The following SH2B1 variants were observed in gnomAD, a reference collection of about 807,000 sequenced individuals.
The protein encoded by SH2B1 is SH2B adaptor protein 1.
A neutral mutation model predicts 62.6 loss-of-function variants in SH2B1; 15 were observed. That is an observed-to-expected ratio of 0.24 (90% CI 0.16 to 0.37). The LOEUF (loss-of-function observed/expected upper bound fraction) is 0.37, where lower values mean the gene tolerates loss of function less well. Ranked by LOEUF, SH2B1 falls within the 10% of genes least tolerant of loss-of-function variation. SH2B1 has a pLI of 1.00. For synonymous variants in SH2B1, 443 were observed against 438.0 expected (o/e 1.01, Z -0.14); for missense variants, 925 against 1,015.6 (o/e 0.91, Z 1.21).
chr16:28,871,591 C>T (rs1320199118), intron 4 of SH2B1, among the ~76,000 whole-genome samples, 189 bp from the exon 5 acceptor site: 1 of 152,194 alleles, frequency 6.6e-6, no homozygotes, highest in Non-Finnish European at 1.5e-5. Flanking sequence ...CTCTGCAGTC[C>T]CTCAGCAGCG....
chr16:28,870,797 C>T (rs958254923), intron 4 of SH2B1, among the ~76,000 whole-genome samples: 5 of 152,044 alleles, frequency 3.3e-5, no homozygotes, highest in East Asian at 1.9e-4. Context: ...CATCTTCCTG[C>T]GTCAGCGGCT....
Position 28,873,316 on chromosome 16 carries a change from G to T in SH2B1, c.1898-131G>T, listed in dbSNP as rs765696216. 1 of 1,594,538 alleles carries T rather than the reference G, an allele frequency of 6.3e-7. No individual in the cohort carries two copies. The highest frequency in any genetic ancestry group is 8.6e-7 in the Non-Finnish European group (1 of 1,169,556). The stretch of plus-strand genomic sequence containing the variant: ...CCACCGCCCATGATCCATCTTCCAT[G>T]GATGGGGGGTTGCTCAGGAGATGGG... On this transcript the variant is annotated intron_variant, in intron 7 of 7. Coordinates refer to ENST00000684370, the MANE Select transcript of SH2B1 (RefSeq NM_001387430.1). The surrounding 1 kb of genome is among the most constrained non-coding windows in gnomAD (Gnocchi z 4.2).
intron 4 of SH2B1, among the ~76,000 whole-genome samples, chr16:28,870,063 CAG>C (rs543520239): frequency 1.1e-4 from 16 of 152,324 alleles, no homozygotes; most frequent in African/African-American, 2.4e-4. Context: ...CTGAGGAAGA[CAG>C]GGGCTGCGCC....
At chr16:28,860,249 ATTTTT>A (rs541257161), upstream of SH2B1, among the ~76,000 whole-genome samples, 1 of 131,962 alleles carries the variant, frequency 7.6e-6, no homozygotes, top group Admixed American at 7.6e-5. Flanking sequence ...CACTTCTTGA[ATTTTT>A]TTTTTTTTTT....
At chr16:28,858,947 A>G (rs574751607), upstream of SH2B1, among the ~76,000 whole-genome samples, 312 of 151,784 alleles carry the variant, frequency 2.1e-3, 4 homozygotes, top group African/African-American at 7.3e-3. Flanking sequence ...GTTTCTCAAA[A>G]AAAAAAAAAA....
rs746926790 is a variant in SH2B1 at position 28,866,187 on chromosome 16, G to T, written c.93G>T (p.Glu31Asp). ...PPPPSWREFC[E>D]SHARAAALDF... ...CCCCTAGTTGGCGGGAGTTCTGTGA[G>T]TCCCACGCCCGGGCTGCGGCTCTGG... Residue 31 changes from glutamate to aspartate, a missense_variant, in exon 1 of 8, where the codon GAG becomes GAT. This residue lies in a region of SH2B1 where 683 missense variants were observed against 704.0 expected (regional missense o/e 0.97). Transcript: ENST00000684370. The surrounding 1 kb of genome is among the most constrained non-coding windows in gnomAD (Gnocchi z 6.3). The T allele has an allele frequency of 3.8e-6, 6 of 1,575,190 alleles. No homozygotes were observed. The African/African-American group carries it at 6.8e-5, about 18-fold the overall frequency.
At position 28,863,961 on chromosome 16, in the gene SH2B1, G is replaced by A. The variant is rs1173404155; in HGVS notation, c.-2134G>A. The A allele has an allele frequency of 9.0e-6, 13 of 1,444,332 alleles. No individual in the cohort carries two copies. The highest frequency in any genetic ancestry group is 2.7e-5 in the Admixed American group (1 of 36,660). 89.5% of individuals were successfully genotyped at this position (1,444,332 alleles called of 1,614,324 possible). A position where few individuals can be genotyped will look rare whatever the true frequency, so the allele number is the denominator to read the frequency against. ...CGAGATGCAGGTGGGACCGGAACCG[G>A]AACCCCCCTCTTCAAGTACCTTTTC... On this transcript the variant is annotated 5_prime_UTR_variant, in exon 1 of 8. Transcript: ENST00000684370.
chr16:28,866,131 C>A lies in SH2B1; in HGVS notation c.37C>A (p.Pro13Thr), dbSNP rs1423472977. Residue 13 changes from proline to threonine, a missense_variant, in exon 1 of 8, where the codon CCC becomes ACC. Pro to Thr is a conservative substitution (Grantham distance 38). Coordinates refer to ENST00000684370, the MANE Select transcript of SH2B1 (RefSeq NM_001387430.1). This position sits in a 1 kb window ranked among gnomAD's most constrained non-coding sequence, Gnocchi z 6.3. ...CCCTTCCCCAGAGGACGGGGCCTCC[C>A]CCTCGTCTCCCCCGCTGCCCCCACC... Reference protein sequence around the residue: ...GAPSPEDGASPSSPPLPPPPP... With the variant: ...GAPSPEDGASTSSPPLPPPPP... 1 of 1,571,304 alleles carries A rather than the reference C, an allele frequency of 6.4e-7. No individual in the cohort carries two copies. The highest frequency in any genetic ancestry group is 8.6e-7 in the Non-Finnish European group (1 of 1,160,942).
chr16:28,847,980 C>G (rs1962020146), intron 1 of SH2B1, among the ~76,000 whole-genome samples: 1 of 151,878 alleles, frequency 6.6e-6, no homozygotes, highest in Non-Finnish European at 1.5e-5. Flanking sequence ...CATGTGCCAC[C>G]ACGCCTGGCT....
chr16:28,873,940 G>A lies in SH2B1; in HGVS notation c.*120G>A. On this transcript the variant is annotated 3_prime_UTR_variant, in exon 8 of 8. Transcript: ENST00000684370. This position sits in a 1 kb window ranked among gnomAD's most constrained non-coding sequence, Gnocchi z 4.2. ...TGCTTCCTGACCCTTGTTGGCCAAG[G>A]GCATCTTTGATGGTACAAGCAGAGG... 1 of 1,053,244 alleles carries A rather than the reference G, an allele frequency of 9.5e-7. No homozygotes were observed. The highest frequency in any genetic ancestry group is 1.2e-6 in the Non-Finnish European group (1 of 801,554). The allele number at this position is 1,053,244 out of a possible 1,614,324, so 65.2% of individuals were successfully genotyped here.
At position 28,854,435 on chromosome 16, in the gene SH2B1, A is replaced by G. The variant is rs377163492; in HGVS notation, c.-300-7183A>G. ...GTATCTCAATCATGGTAGGTGAATT[A>G]TATCTCAATAAAGCTGTTATTAAAA... On this transcript the variant is annotated intron_variant, in intron 1 of 10. Coordinates refer to the SH2B1 transcript ENST00000322610. Among the ~76,000 whole-genome samples, 237 of 152,260 alleles carry G rather than the reference A, an allele frequency of 1.6e-3. 7 individuals are homozygous for G. In the South Asian group the frequency reaches 0.016, roughly 11 times the overall value.
intron 1 of SH2B1, among the ~76,000 whole-genome samples, chr16:28,848,176 C>T (rs893684588): frequency 2.0e-5 from 3 of 151,922 alleles, no homozygotes; most frequent in African/African-American, 7.2e-5. Flanking sequence ...TGGTGGCTCA[C>T]ACCTGTAATC....
At chr16:28,861,285 A>G (rs1369088754), upstream of SH2B1, among the ~76,000 whole-genome samples, 2 of 152,134 alleles carry the variant, frequency 1.3e-5, no homozygotes, top group Non-Finnish European at 2.9e-5. Flanking sequence ...GGTATGTGCC[A>G]CCATGTCCAG....
chr16:28,873,726 C>T lies in SH2B1; in HGVS notation c.2177C>T (p.Pro726Leu), dbSNP rs1007787624. The T allele has an allele frequency of 6.7e-7, 1 of 1,493,034 alleles. No homozygotes were observed. The highest frequency in any genetic ancestry group is 2.5e-5 in the East Asian group (1 of 40,398). The allele number at this position is 1,493,034 out of a possible 1,614,324, so 92.5% of individuals were successfully genotyped here. A position where few individuals can be genotyped will look rare whatever the true frequency, so the allele number is the denominator to read the frequency against. Residue 726 changes from proline to leucine, a missense_variant, in exon 8 of 8, where the codon CCC (proline) becomes CTC (leucine). By Grantham distance (98) the Pro-to-Leu change is moderately conservative. Around this residue, in one of 3 missense-constraint regions of SH2B1, gnomAD observed 185 missense variants for 189.5 expected, o/e 0.98. Transcript: ENST00000684370. The surrounding 1 kb of genome is among the most constrained non-coding windows in gnomAD (Gnocchi z 4.2). ...GAGSGGDAGV[P>L]PMVQLQQSPL... Reference sequence around the variant, plus strand: ...GGGTCTGGTGGGGACGCGGGGGTGCCCCCAATGGTGCAGCTGCAGCAGTCA... The same window carrying T: ...GGGTCTGGTGGGGACGCGGGGGTGCTCCCAATGGTGCAGCTGCAGCAGTCA...
chr16:28,857,863 C>T (rs1962357691), intron 1 of SH2B1, among the ~76,000 whole-genome samples: 1 of 152,040 alleles, frequency 6.6e-6, no homozygotes. Flanking sequence ...CCTCAGACTC[C>T]CGAGTAGCTG....
intron 4 of SH2B1, among the ~76,000 whole-genome samples, chr16:28,871,110 C>T (rs879569831): frequency 1.3e-5 from 2 of 151,868 alleles, no homozygotes; most frequent in African/African-American, 2.4e-5. Flanking sequence ...CTCTGCCTCC[C>T]GGGTTCAAGC....
intron 1 of SH2B1, among the ~76,000 whole-genome samples, chr16:28,856,256 G>T (rs1222637104): frequency 2.1e-5 from 3 of 140,734 alleles, no homozygotes; most frequent in Non-Finnish European, 4.6e-5. Flanking sequence ...CCAGGGGACC[G>T]TGCAAGACTC....
chr16:28,851,550 C>T (rs2152154032), intron 1 of SH2B1, among the ~76,000 whole-genome samples: 1 of 137,188 alleles, frequency 7.3e-6, no homozygotes, highest in South Asian at 2.2e-4. Flanking sequence ...ACCTCCGCCT[C>T]CCGGGTTAAA....
At position 28,866,878 on chromosome 16, in the gene SH2B1, G is replaced by A. The variant is rs1170492482; in HGVS notation, c.784G>A (p.Ala262Thr). Residue 262 changes from alanine to threonine, a missense_variant, in exon 1 of 8, where the codon GCC becomes ACC. Ala to Thr is a moderately conservative substitution (Grantham distance 58, BLOSUM62 0). Transcript: ENST00000684370. This position sits in a 1 kb window ranked among gnomAD's most constrained non-coding sequence, Gnocchi z 6.3. ...LLSFMGAEEA[A>T]PDPAGVGRGG... The stretch of plus-strand genomic sequence containing the variant: ...GAGTTTCATGGGGGCTGAGGAGGCA[G>A]CCCCTGACCCAGCCGGAGTGGGCCG... 1 of 1,611,204 alleles carries A rather than the reference G, an allele frequency of 6.2e-7. No homozygotes were observed. The highest frequency in any genetic ancestry group is 1.7e-5 in the Admixed American group (1 of 59,810).
Sources: allele counts gnomAD v4.1 joint callset (sites outside exome capture counted in the v4.1 genomes callset), GRCh38; gene constraint gnomAD v4.1.1; regional missense constraint gnomAD v4.1.1; non-coding constraint Gnocchi (gnomAD v3.1); transcripts MANE v1.5; gene names NCBI Gene and HGNC (gene_info 2026-07-23, HGNC 2026-07-21).